Variants in ASIP observed in about 807,000 individuals in gnomAD.
ASIP encodes agouti signaling protein.
In ASIP, 11 loss-of-function variants were observed where a neutral mutation model predicts 10.3. That is an observed-to-expected ratio of 1.07 (90% CI 0.68 to 1.78). ASIP has a LOEUF of 1.78. ASIP is among the 40% of genes most tolerant of loss of function. The probability of loss-of-function intolerance (pLI) is 0.00; values close to 1 mark genes in which losing one functional copy is unlikely to be tolerated. For synonymous variants in ASIP, 70 were observed against 70.8 expected (o/e 0.99, Z 0.06); for missense variants, 180 against 169.2 (o/e 1.06, Z -0.35).
intron 1 of ASIP, among the ~76,000 whole-genome samples, chr20:34,213,256 G>A (rs1262141011): frequency 6.6e-6 from 1 of 152,160 alleles, no homozygotes; most frequent in Admixed American, 6.5e-5. Context: ...CCAGATGCCA[G>A]CCCTTCTATC....
intron 1 of ASIP, among the ~76,000 whole-genome samples, chr20:34,195,879 T>C (rs1416983469): frequency 6.6e-6 from 1 of 152,124 alleles, no homozygotes; most frequent in Non-Finnish European, 1.5e-5. Context: ...TCCAGCGCAG[T>C]AACCCCCATA....
chr20:34,215,846 T>G (rs1601574917), intron 1 of ASIP: 1 of 1,332,224 alleles, frequency 7.5e-7, no homozygotes, highest in African/African-American at 1.4e-5. Flanking sequence ...TAGTCTAAAG[T>G]CTGAATCAGC....
chr20:34,191,878 C>T (rs1394856513), upstream of ASIP, among the ~76,000 whole-genome samples: 1 of 151,640 alleles, frequency 6.6e-6, no homozygotes, highest in African/African-American at 2.4e-5. Context: ...TACAGGTGCC[C>T]ACCACCATGC....
At chr20:34,203,548 C>T (rs539299197) in intron 1 of ASIP, among the ~76,000 whole-genome samples, 5 of 151,948 alleles carry the variant, frequency 3.3e-5, no homozygotes, top group African/African-American at 9.7e-5. Context: ...CAGGCACCTG[C>T]CACCACACGT....
intron 1 of ASIP, among the ~76,000 whole-genome samples, chr20:34,202,801 C>CTT (rs34156089): frequency 1.1e-3 from 65 of 57,260 alleles, no homozygotes; most frequent in Non-Finnish European, 1.5e-3. Context: ...CTTGGCTATT[C>CTT]TTTTTTTTTT....
At chr20:34,267,916 A>G (rs964208350) in intron 3 of ASIP, among the ~76,000 whole-genome samples, 7 of 151,090 alleles carry the variant, frequency 4.6e-5, no homozygotes, top group Non-Finnish European at 8.8e-5. Flanking sequence ...ACATTTCAAT[A>G]TGTGATTAAT....
At chr20:34,202,866 C>T (rs982484492) in intron 1 of ASIP, among the ~76,000 whole-genome samples, 2 of 137,530 alleles carry the variant, frequency 1.5e-5, no homozygotes, top group South Asian at 2.3e-4. Flanking sequence ...TGGAGTGCAG[C>T]GGCATGATCT....
At chr20:34,214,210 C>G in intron 1 of ASIP, 1 of 1,333,610 alleles carries the variant, frequency 7.5e-7, no homozygotes, top group East Asian at 2.3e-5. Flanking sequence ...AGAGATTTGA[C>G]AAATCTAGAA....
intron 1 of ASIP, among the ~76,000 whole-genome samples, chr20:34,197,137 G>A (rs2034863279): frequency 6.6e-6 from 1 of 152,098 alleles, no homozygotes; most frequent in African/African-American, 2.4e-5. Context: ...CACTTTGGGA[G>A]GCTGAGGCAG....
intron 1 of ASIP, among the ~76,000 whole-genome samples, chr20:34,218,612 G>C (rs777802649): frequency 2.0e-4 from 31 of 152,000 alleles, no homozygotes; most frequent in Non-Finnish European, 4.4e-4. Context: ...TCACAGTGCT[G>C]TCATTTAACA....
intron 1 of ASIP, among the ~76,000 whole-genome samples, chr20:34,216,857 G>A (rs1044012950): frequency 9.2e-5 from 14 of 152,120 alleles, no homozygotes; most frequent in African/African-American, 3.1e-4. Context: ...TTTCAATATT[G>A]TTTTGATTAT....
chr20:34,253,157 G>A (rs1389752358), intron 1 of ASIP, among the ~76,000 whole-genome samples: 1 of 151,334 alleles, frequency 6.6e-6, no homozygotes, highest in Non-Finnish European at 1.5e-5. Flanking sequence ...GCCCAGGCTG[G>A]AGTGCAGTGG....
At chr20:34,204,254 CTTG>C (rs2034920219) in intron 1 of ASIP, among the ~76,000 whole-genome samples, 1 of 145,838 alleles carries the variant, frequency 6.9e-6, no homozygotes, top group East Asian at 2.0e-4. Context: ...GAGTTTTGCA[CTTG>C]TTGTCCAGGC....
upstream of ASIP, among the ~76,000 whole-genome samples, chr20:34,240,727 A>T (rs1400706764): frequency 2.6e-5 from 4 of 152,192 alleles, no homozygotes; most frequent in Non-Finnish European, 4.4e-5. Context: ...TAACTCAATT[A>T]GACTGTTTTA....
At chr20:34,189,843 G>A (rs185487108), upstream of ASIP, among the ~76,000 whole-genome samples, 12 of 152,208 alleles carry the variant, frequency 7.9e-5, no homozygotes, top group African/African-American at 1.7e-4. Context: ...ACTCAGAAAG[G>A]AGCAAGTACT....
At chr20:34,262,705 C>A in intron 2 of ASIP, 127 bp from the exon 3 acceptor site, 1 of 990,604 alleles carries the variant, frequency 1.0e-6, no homozygotes, top group Non-Finnish European at 1.6e-6. Context: ...CAGTGTGACT[C>A]ATCCAGCACG....
chr20:34,213,834 G>A (rs545199249), intron 1 of ASIP: 27 of 1,531,292 alleles, frequency 1.8e-5, no homozygotes, highest in Middle Eastern at 3.4e-4. Context: ...GATAAACTTC[G>A]GAACAGCCAC....
upstream of ASIP, chr20:34,194,420 G>A (rs938873571): frequency 7.3e-5 from 11 of 151,090 alleles, no homozygotes; most frequent in African/African-American, 2.4e-4. Context: ...CCCTTGAGGT[G>A]TTTTTGCTGA....
At chr20:34,264,003 T>G (rs1008838295) in intron 3 of ASIP, among the ~76,000 whole-genome samples, 40 of 152,064 alleles carry the variant, frequency 2.6e-4, no homozygotes, top group Admixed American at 2.6e-3. Context: ...TTTTGAAGAT[T>G]GACAATTAGA....
Sources: allele counts gnomAD v4.1 joint callset (sites outside exome capture counted in the v4.1 genomes callset), GRCh38; gene constraint gnomAD v4.1.1; transcripts MANE v1.5; gene names NCBI Gene and HGNC (gene_info 2026-07-23, HGNC 2026-07-21).